Variants in BCAS3 observed in about 807,000 individuals in gnomAD.
BCAS3 encodes BCAS3 microtubule associated cell migration factor.
A neutral mutation model predicts 116.1 loss-of-function variants in BCAS3; 53 were observed. That is an observed-to-expected ratio of 0.46 (90% CI 0.37 to 0.57). The LOEUF (loss-of-function observed/expected upper bound fraction) is 0.57, where lower values mean the gene tolerates loss of function less well. BCAS3 is among the 20% of genes least tolerant of loss of function. The pLI is 0.00. For missense variants in BCAS3, 917 were observed against 1,165.4 expected, an observed-to-expected ratio of 0.79 and a Z score of 3.10; for synonymous variants, 391 against 408.2, an observed-to-expected ratio of 0.96 and a Z score of 0.51.
rs150307562 is a variant in BCAS3 at position 61,036,829 on chromosome 17, C to T, written c.1763-1060C>T. ...TATGGCTGATCTTCATTTACCATGG[C>T]GCCAGTGATCCCATGGAGAGAAAGA... On this transcript the variant is annotated intron_variant, in intron 17 of 23. Transcript: ENST00000407086. Among the ~76,000 whole-genome samples the T allele has an allele frequency of 2.8e-4, 43 of 152,262 alleles. No individual in the cohort carries two copies. In the East Asian group the frequency reaches 7.5e-3, roughly 27 times the overall value.
Position 60,990,048 on chromosome 17 carries a change from C to T in BCAS3, c.1299C>T (p.Pro433=). The T allele has an allele frequency of 6.2e-7, 1 of 1,614,168 alleles. No homozygotes were observed. The highest frequency in any genetic ancestry group is 8.5e-7 in the Non-Finnish European group (1 of 1,180,026). ...TCCGGGGTACTTCCCACGTTTTCCCCATCAACCCTTATGGTGGCCAGCCTT... is the reference window on the plus strand; with the variant it reads ...TCCGGGGTACTTCCCACGTTTTCCCTATCAACCCTTATGGTGGCCAGCCTT... ...STLRGTSHVF[P]INPYGGQPCV... The change falls in exon 15 of 24, where the codon CCC becomes CCT. Residue 433 remains proline (P), a synonymous_variant. Transcript: ENST00000407086. The surrounding 1 kb of genome is among the most constrained non-coding windows in gnomAD (Gnocchi z 5.1).
In BCAS3 at chr17:61,056,010, C is replaced by G. The variant is rs372324422; in HGVS notation, c.2029+15118C>G. 3.3e-5 allele frequency among the ~76,000 whole-genome samples: 5 copies of G among 152,310 alleles called. No homozygotes were observed. The South Asian group carries it at 6.2e-4, about 19-fold the overall frequency. ...TGACGTGCTCAAAACCTGTCTTCTT[C>G]TAGCCCTCTGTTCTGCCCAAACTGG... On this transcript the variant is annotated intron_variant, in intron 19 of 23. Coordinates refer to ENST00000407086, the MANE Select transcript of BCAS3 (RefSeq NM_017679.5). This position sits in a 1 kb window ranked among gnomAD's most constrained non-coding sequence, Gnocchi z 4.9.
At chr17:61,372,130 C>G (rs994073037) in intron 23 of BCAS3, among the ~76,000 whole-genome samples, 1 of 152,186 alleles carries the variant, frequency 6.6e-6, no homozygotes, top group Non-Finnish European at 1.5e-5. Context: ...ACTTATTATT[C>G]CAATTGGTGC....
At chr17:61,114,772 G>A (rs1330921494) in intron 22 of BCAS3, among the ~76,000 whole-genome samples, 23 of 149,544 alleles carry the variant, frequency 1.5e-4, no homozygotes, top group Admixed American at 8.0e-4. Context: ...AAAAGAGCCC[G>A]CATCGCCAAG....
chr17:61,270,328 G>C (rs1056297764), intron 22 of BCAS3, among the ~76,000 whole-genome samples: 3 of 148,878 alleles, frequency 2.0e-5, no homozygotes, highest in Non-Finnish European at 4.5e-5. Context: ...TCACCATGTT[G>C]GCCAGGCTGG....
Position 61,026,773 on chromosome 17 carries a change from C to G in BCAS3, c.1638-7893C>G. On this transcript the variant is annotated intron_variant, in intron 16 of 23. Transcript: ENST00000407086. This position sits in a 1 kb window ranked among gnomAD's most constrained non-coding sequence, Gnocchi z 5.0. The stretch of plus-strand genomic sequence containing the variant: ...TACTAATTTTTTAGTTATTTTTATC[C>G]ATACTCTATAACAGTATGATATACT... 8.6e-7 allele frequency: 1 copy of G among 1,165,304 alleles called. No homozygotes were observed. The allele number at this position is 1,165,304 out of a possible 1,614,324, so 72.2% of individuals were successfully genotyped here.
chr17:60,850,359 T>G (rs1276911095), intron 7 of BCAS3, among the ~76,000 whole-genome samples: 3 of 140,188 alleles, frequency 2.1e-5, no homozygotes, highest in East Asian at 4.1e-4. Flanking sequence ...TTTTTTTTTT[T>G]TTTTTTTTTT....
At chr17:61,107,417 C>G (rs539698904) in intron 22 of BCAS3, among the ~76,000 whole-genome samples, 47 of 152,214 alleles carry the variant, frequency 3.1e-4, no homozygotes, top group African/African-American at 1.1e-3. Context: ...TGCACAGATT[C>G]ATGTAACCAC....
chr17:61,078,475 C>T lies in BCAS3; in HGVS notation c.2273C>T (p.Thr758Met), dbSNP rs759264893. Residue 758 changes from threonine to methionine, a missense_variant, in exon 21 of 24, where the codon ACG (threonine) becomes ATG (methionine). Thr to Met is a moderately conservative substitution (Grantham distance 81). Coordinates refer to ENST00000407086, the MANE Select transcript of BCAS3 (RefSeq NM_017679.5). ...TTGCAGTCTCATGGTCCGAGTGACA[C>T]GCCACAGCCTCTTTTGGATTTTGAT... ...SVLQSHGPSD[T>M]PQPLLDFDTD... The T allele has an allele frequency of 5.2e-5, 84 of 1,614,040 alleles. No individual in the cohort carries two copies. The highest frequency in any genetic ancestry group is 1.6e-4 in the Middle Eastern group (1 of 6,084).
chr17:61,045,884 TTATATATATAATATATA>T (rs1278227965), intron 19 of BCAS3, among the ~76,000 whole-genome samples: 1 of 42,366 alleles, frequency 2.4e-5, no homozygotes, highest in Non-Finnish European at 3.2e-5. Context: ...TAAATATATA[TTATATATATAATATATA>T]TAAATATATA....
intron 6 of BCAS3, among the ~76,000 whole-genome samples, chr17:60,783,281 T>C (rs2045986658): frequency 6.6e-6 from 1 of 152,226 alleles, no homozygotes; most frequent in South Asian, 2.1e-4. Context: ...CATAGCTCAC[T>C]GCAGCCTTGA....
At chr17:61,374,609 T>A (rs920178826) in intron 23 of BCAS3, among the ~76,000 whole-genome samples, 3 of 152,230 alleles carry the variant, frequency 2.0e-5, no homozygotes, top group Non-Finnish European at 4.4e-5. Context: ...GGAAAAGGCT[T>A]CATCTTTTCC....
chr17:61,382,130 C>T (rs1568985363), intron 23 of BCAS3, among the ~76,000 whole-genome samples: 1 of 151,904 alleles, frequency 6.6e-6, no homozygotes, highest in Non-Finnish European at 1.5e-5. Flanking sequence ...GAGTTTGAGA[C>T]CAGCCTGACC....
intron 15 of BCAS3, among the ~76,000 whole-genome samples, chr17:60,998,647 G>T (rs2064007206): frequency 6.6e-6 from 1 of 152,024 alleles, no homozygotes; most frequent in South Asian, 2.1e-4. Context: ...AGAAGTGTCT[G>T]TTCATGTCTA....
intron 7 of BCAS3, among the ~76,000 whole-genome samples, chr17:60,834,786 A>G (rs114815206): frequency 1.3e-5 from 2 of 151,948 alleles, no homozygotes; most frequent in African/African-American, 4.8e-5. Flanking sequence ...TTTGTTTATC[A>G]TAACTGATAA....
chr17:60,693,529 C>T (rs2035159634), intron 4 of BCAS3, among the ~76,000 whole-genome samples: 1 of 151,566 alleles, frequency 6.6e-6, no homozygotes. Context: ...ATCCTCCCAC[C>T]TCAGCCTCCT....
At position 61,079,017 on chromosome 17, in the gene BCAS3, C is replaced by A. The variant is rs191229127; in HGVS notation, c.2327+488C>A. 6.6e-5 allele frequency among the ~76,000 whole-genome samples: 10 copies of A among 151,744 alleles called. No individual in the cohort carries two copies. In the East Asian group the frequency reaches 1.9e-3, roughly 29 times the overall value. ...ATTTTTATAATACATGTTCTCTCAT[C>A]CTTATTTGTAGGAATCCTAGGACAG... On this transcript the variant is annotated intron_variant, in intron 21 of 23. Coordinates refer to ENST00000407086, the MANE Select transcript of BCAS3 (RefSeq NM_017679.5).
Position 61,380,396 on chromosome 17 carries a change from A to G in BCAS3, c.2594-11581A>G. On this transcript the variant is annotated intron_variant, in intron 23 of 23. Coordinates refer to ENST00000407086, the MANE Select transcript of BCAS3 (RefSeq NM_017679.5). The surrounding 1 kb of genome is among the most constrained non-coding windows in gnomAD (Gnocchi z 4.2). ...CCATGAACACCCCCGCAAAGCTCTC[A>G]GTGGTCAAACCAGATTTGGGTATCG... 1 of 983,758 alleles carries G rather than the reference A, an allele frequency of 1.0e-6. No individual in the cohort carries two copies. The allele number at this position is 983,758 out of a possible 1,614,324, so 60.9% of individuals were successfully genotyped here. A position where few individuals can be genotyped will look rare whatever the true frequency, so the allele number is the denominator to read the frequency against.
At chr17:61,159,869 A>G (rs1466811026) in intron 22 of BCAS3, among the ~76,000 whole-genome samples, 1 of 152,224 alleles carries the variant, frequency 6.6e-6, no homozygotes, top group Non-Finnish European at 1.5e-5. Context: ...TAGAACAGAT[A>G]AGTTGTGTTT....
Sources: gnomAD v4.1 joint callset for allele counts (sites outside exome capture counted in the v4.1 genomes callset) on GRCh38, gnomAD v4.1.1 for gene constraint, Gnocchi (gnomAD v3.1) non-coding constraint, MANE v1.5 for transcripts, NCBI Gene and HGNC (gene_info 2026-07-23, HGNC 2026-07-21) for gene names.